Variants in ANOS1 observed in about 807,000 individuals in gnomAD.
The protein encoded by ANOS1 is anosmin-1.
ANOS1 carries 6 observed loss-of-function variants against 59.0 expected under a neutral mutation model. That is an observed-to-expected ratio of 0.10 (90% confidence interval 0.06 to 0.20). The LOEUF is 0.20. ANOS1 is among the 10% of genes least tolerant of loss of function. ANOS1 has a pLI of 1.00. For synonymous variants in ANOS1, 217 were observed against 223.4 expected, an observed-to-expected ratio of 0.97 and a Z score of 0.25; for missense variants, 433 against 542.3, an observed-to-expected ratio of 0.80 and a Z score of 2.00.
chrX:8,723,395 G>A (rs1397464560), intron 1 of ANOS1, among the ~76,000 whole-genome samples: 2 of 111,899 alleles, frequency 1.8e-5, no homozygotes, highest in African/African-American at 6.5e-5. Context: ...TCAAAAAGTA[G>A]GCTAAGGACA....
At chrX:8,545,244 C>G (rs1417778273) in intron 9 of ANOS1, among the ~76,000 whole-genome samples, 1 of 92,545 alleles carries the variant, frequency 1.1e-5, no homozygotes, top group African/African-American at 4.2e-5. Context: ...CAGAGCAAGA[C>G]CCTGTCTCTA....
Position 8,534,465 on chromosome X carries a change from G to A in ANOS1, c.1843-5C>T. Reference sequence around the variant, plus strand: ...CACTGTTAGGACATAATGATCCTAAGGGGACAACATAAAAGAGCATGCTCA... The same window carrying A: ...CACTGTTAGGACATAATGATCCTAAAGGGACAACATAAAAGAGCATGCTCA... On this transcript the variant is annotated splice_region_variant and splice_polypyrimidine_tract_variant and intron_variant, in intron 12 of 13. Transcript: ENST00000262648. 2 of 1,208,617 alleles carry A rather than the reference G, an allele frequency of 1.7e-6. No homozygotes were observed. The highest frequency in any genetic ancestry group is 2.2e-6 in the Non-Finnish European group (2 of 892,963).
Position 8,579,531 on chromosome X carries a change from G to A in ANOS1, c.856+5736C>T, listed in dbSNP as rs186266982. Reference sequence around the variant, plus strand: ...TTTATTTTAAACCGTAATTCAAAATGTATTAGATCCACTCTGTAACAGGAA... The same window carrying A: ...TTTATTTTAAACCGTAATTCAAAATATATTAGATCCACTCTGTAACAGGAA... On this transcript the variant is annotated intron_variant, in intron 6 of 13. Transcript: ENST00000262648. 8.0e-5 allele frequency among the ~76,000 whole-genome samples: 9 copies of A among 112,069 alleles called. No individual in the cohort carries two copies. In the East Asian group the frequency reaches 2.5e-3, roughly 31 times the overall value.
At chrX:8,668,430 T>TATATACATAC (rs1394731479) in intron 2 of ANOS1, among the ~76,000 whole-genome samples, 1 of 80,258 alleles carries the variant, frequency 1.2e-5, no homozygotes, top group African/African-American at 5.0e-5. Flanking sequence ...TATATATATA[T>TATATACATAC]ACACACACAT....
intron 6 of ANOS1, among the ~76,000 whole-genome samples, chrX:8,571,612 A>G (rs943836865): frequency 8.9e-6 from 1 of 112,379 alleles, no homozygotes; most frequent in African/African-American, 3.2e-5. Flanking sequence ...TGTCTTATTA[A>G]CAAAAACCTT....
At chrX:8,612,080 C>T (rs1025733799) in intron 3 of ANOS1, among the ~76,000 whole-genome samples, 1 of 111,516 alleles carries the variant, frequency 9.0e-6, no homozygotes, top group Non-Finnish European at 1.9e-5. Flanking sequence ...ATTGTTATGA[C>T]ATTTTCATAT....
At chrX:8,699,649 C>T (rs1270887494) in intron 2 of ANOS1, 49 bp downstream of exon 2, 2 of 1,009,222 alleles carry the variant, frequency 2.0e-6, no homozygotes, top group Non-Finnish European at 1.4e-6. Flanking sequence ...TATAATTATT[C>T]CAAAATTAAA....
At chrX:8,655,361 C>T (rs1931914693) in intron 2 of ANOS1, among the ~76,000 whole-genome samples, 1 of 111,368 alleles carries the variant, frequency 9.0e-6, no homozygotes, top group Admixed American at 9.6e-5. Flanking sequence ...CCTAATGTTG[C>T]CACTGATCTG....
intron 2 of ANOS1, among the ~76,000 whole-genome samples, chrX:8,695,592 C>T (rs1438105200): frequency 9.2e-6 from 1 of 109,280 alleles, no homozygotes; most frequent in African/African-American, 3.3e-5. Context: ...GACTTCCCAC[C>T]AGACAACAGG....
At chrX:8,566,498 G>A (rs1485812355) in intron 8 of ANOS1, among the ~76,000 whole-genome samples, 4 of 110,854 alleles carry the variant, frequency 3.6e-5, no homozygotes, top group African/African-American at 9.8e-5. Context: ...TATACAGTAC[G>A]TATATATAGT....
intron 2 of ANOS1, among the ~76,000 whole-genome samples, chrX:8,638,439 T>C (rs771418611): frequency 8.9e-6 from 1 of 112,181 alleles, no homozygotes; most frequent in Non-Finnish European, 1.9e-5. Flanking sequence ...CCAAGAGATA[T>C]TAGGAGCACG....
chrX:8,673,555 G>T (rs1014147508), intron 2 of ANOS1, among the ~76,000 whole-genome samples: 1 of 109,400 alleles, frequency 9.1e-6, no homozygotes, highest in Non-Finnish European at 1.9e-5. Context: ...CTGGTGGGAC[G>T]TCAGCCTTCT....
chrX:8,722,923 G>A (rs112587237), intron 1 of ANOS1, among the ~76,000 whole-genome samples: 14 of 111,591 alleles, frequency 1.3e-4, no homozygotes, highest in Non-Finnish European at 1.3e-4. Flanking sequence ...GTACCACATC[G>A]TGGTTCGACA....
intron 6 of ANOS1, among the ~76,000 whole-genome samples, chrX:8,574,480 G>A (rs988023352): frequency 8.1e-5 from 9 of 111,091 alleles, no homozygotes; most frequent in Admixed American, 4.8e-4. Context: ...TTGAGTCACT[G>A]GACTGGAAAA....
At chrX:8,645,268 T>C (rs978734085) in intron 2 of ANOS1, among the ~76,000 whole-genome samples, 1 of 112,171 alleles carries the variant, frequency 8.9e-6, no homozygotes, top group South Asian at 3.7e-4. Flanking sequence ...AGTCCAGGCA[T>C]CCTGTTGTCC....
chrX:8,681,597 CCT>C (rs1312732171), intron 2 of ANOS1, among the ~76,000 whole-genome samples: 5 of 111,301 alleles, frequency 4.5e-5, no homozygotes, highest in African/African-American at 1.6e-4. Context: ...CAGTCTGCCC[CCT>C]GTCTTCCAGG....
chrX:8,692,177 G>GA (rs200383464), intron 2 of ANOS1, among the ~76,000 whole-genome samples: 5 of 109,967 alleles, frequency 4.5e-5, no homozygotes, highest in African/African-American at 6.6e-5. Flanking sequence ...TCAATGGTTG[G>GA]AAAAAAAATA....
intron 3 of ANOS1, among the ~76,000 whole-genome samples, chrX:8,610,458 A>C (rs1441064627): frequency 8.9e-6 from 1 of 112,207 alleles, no homozygotes; most frequent in African/African-American, 3.2e-5. Flanking sequence ...TAAAGAGATT[A>C]AAGCTTGAGG....
chrX:8,549,875 T>C (rs1929828539), intron 9 of ANOS1, among the ~76,000 whole-genome samples: 1 of 112,001 alleles, frequency 8.9e-6, no homozygotes, highest in Non-Finnish European at 1.9e-5. Flanking sequence ...AACAAAAACT[T>C]TGCAAGTAAG....
Sources: gnomAD v4.1 joint callset for allele counts (sites outside exome capture counted in the v4.1 genomes callset) on GRCh38, gnomAD v4.1.1 for gene constraint, MANE v1.5 for transcripts, NCBI Gene and HGNC (gene_info 2026-07-23, HGNC 2026-07-21) for gene names.